The following NXPH1 variants were observed in gnomAD, a reference collection of about 807,000 sequenced individuals.
The protein encoded by NXPH1 is neurexophilin 1.
Under a neutral mutation model 23.7 loss-of-function variants are expected in NXPH1, and 5 were observed. The ratio of observed to expected loss-of-function variants is 0.21; its 90% CI spans 0.11 to 0.44. NXPH1 has a LOEUF of 0.44. NXPH1 is among the 20% of genes least tolerant of loss of function. The pLI, the probability that NXPH1 is intolerant of heterozygous loss-of-function variation, is 0.99. For missense variants in NXPH1, 324 were observed against 321.6 expected, an observed-to-expected ratio of 1.01 and a Z score of -0.06; for synonymous variants, 144 against 122.2, an observed-to-expected ratio of 1.18 and a Z score of -1.18.
At chr7:8,471,365 T>C (rs1289293371) in intron 2 of NXPH1, among the ~76,000 whole-genome samples, 1 of 152,184 alleles carries the variant, frequency 6.6e-6, no homozygotes, top group African/African-American at 2.4e-5. Flanking sequence ...ACGAATATCA[T>C]TAACATAGAA....
At chr7:8,597,628 C>T (rs1819254543) in intron 2 of NXPH1, among the ~76,000 whole-genome samples, 2 of 144,920 alleles carry the variant, frequency 1.4e-5, no homozygotes, top group South Asian at 4.3e-4. Flanking sequence ...TCAGAGTTGT[C>T]TAAAGAATTA....
At chr7:8,578,896 G>A (rs78688757) in intron 2 of NXPH1, among the ~76,000 whole-genome samples, 1,628 of 152,306 alleles carry the variant, frequency 0.011, 31 homozygotes, top group African/African-American at 0.035. Context: ...TAAAGATGAG[G>A]CAGAATATTC....
chr7:8,567,324 G>A (rs928802643), intron 2 of NXPH1, among the ~76,000 whole-genome samples: 6 of 151,836 alleles, frequency 4.0e-5, no homozygotes, highest in South Asian at 2.1e-4. Flanking sequence ...TCATGTTTGC[G>A]CCTCTGGTCA....
rs1297332703 is a variant in NXPH1 at position 8,580,516 on chromosome 7, A to G, written c.54+144749A>G. On this transcript the variant is annotated intron_variant, in intron 2 of 2. Transcript: ENST00000405863. Reference sequence around the variant, plus strand: ...GAATGGGAGAGAGGCTGATCCTTGGAAAATTGCAAAGCTGCTGAAGAGGCA... The same window carrying G: ...GAATGGGAGAGAGGCTGATCCTTGGGAAATTGCAAAGCTGCTGAAGAGGCA... Among the ~76,000 whole-genome samples the G allele has an allele frequency of 2.0e-5, 3 of 152,150 alleles. No homozygotes were observed. In the East Asian group the frequency reaches 5.8e-4, roughly 29 times the overall value.
intron 2 of NXPH1, among the ~76,000 whole-genome samples, chr7:8,551,046 T>TAG (rs1402615709): frequency 2.6e-5 from 4 of 151,538 alleles, no homozygotes; most frequent in Non-Finnish European, 4.4e-5. Flanking sequence ...ACTTCTAATA[T>TAG]GTATTAGAAA....
At chr7:8,601,575 G>C (rs1031469808) in intron 2 of NXPH1, among the ~76,000 whole-genome samples, 12 of 152,106 alleles carry the variant, frequency 7.9e-5, no homozygotes, top group Non-Finnish European at 1.8e-4. Context: ...TAGTGATGTT[G>C]ACCCTTGTCC....
At chr7:8,534,120 A>G (rs1012851966) in intron 2 of NXPH1, among the ~76,000 whole-genome samples, 12 of 152,158 alleles carry the variant, frequency 7.9e-5, no homozygotes, top group African/African-American at 2.7e-4. Flanking sequence ...GTGTTATTCT[A>G]TAGATCAAGC....
At chr7:8,503,847 G>T (rs1443437197) in intron 2 of NXPH1, among the ~76,000 whole-genome samples, 1 of 151,872 alleles carries the variant, frequency 6.6e-6, no homozygotes, top group Non-Finnish European at 1.5e-5. Flanking sequence ...TAGCTGCCCT[G>T]GTCACATCAC....
At chr7:8,576,242 A>G (rs1004481469) in intron 2 of NXPH1, among the ~76,000 whole-genome samples, 3 of 152,188 alleles carry the variant, frequency 2.0e-5, no homozygotes, top group Admixed American at 6.5e-5. Context: ...GCAAACATCA[A>G]CTATGCCTTG....
At chr7:8,490,703 A>G (rs975101813) in intron 2 of NXPH1, among the ~76,000 whole-genome samples, 1 of 152,028 alleles carries the variant, frequency 6.6e-6, no homozygotes, top group Admixed American at 6.6e-5. Context: ...ACTGTTTTCT[A>G]TGTAAGATGT....
At position 8,519,227 on chromosome 7, in the gene NXPH1, TA is replaced by T. The variant is rs1239518990; in HGVS notation, c.54+83466del. Among the ~76,000 whole-genome samples the T allele has an allele frequency of 2.0e-5, 3 of 152,254 alleles. No homozygotes were observed. The East Asian group carries it at 5.8e-4, about 29-fold the overall frequency. On this transcript the variant is annotated intron_variant, in intron 2 of 2. Transcript: ENST00000405863. ...GATTTCCTTAAATAAATGAATGGTGTAAAAAATTATAAAAAAGGTATTACAT... is the reference window on the plus strand; with the variant it reads ...GATTTCCTTAAATAAATGAATGGTGTAAAAATTATAAAAAAGGTATTACAT...
chr7:8,493,284 T>A (rs1281476730), intron 2 of NXPH1, among the ~76,000 whole-genome samples: 1 of 152,080 alleles, frequency 6.6e-6, no homozygotes, highest in Non-Finnish European at 1.5e-5. Context: ...AAGTATGTTT[T>A]AAATTACTTG....
chr7:8,665,612 A>G (rs1820747682), intron 2 of NXPH1, among the ~76,000 whole-genome samples: 3 of 152,012 alleles, frequency 2.0e-5, no homozygotes, highest in Admixed American at 1.3e-4. Context: ...TCTGGGCTGT[A>G]TGAACATTTT....
chr7:8,751,662 G>T lies in NXPH1; in HGVS notation c.709G>T (p.Val237Leu), dbSNP rs1211363973. 2 of 1,613,080 alleles carry T rather than the reference G, an allele frequency of 1.2e-6. No individual in the cohort carries two copies. Among genetic ancestry groups the T allele is most frequent in the African/African-American group, 1.3e-5 (1 of 74,886 alleles). ...CTGGCTCTGCTCCAAGCCCTTTAAGGTGATCTGTATTTACATTTCCTTTTA... is the reference window on the plus strand; with the variant it reads ...CTGGCTCTGCTCCAAGCCCTTTAAGTTGATCTGTATTTACATTTCCTTTTA... Reference protein sequence around the residue: ...VSWLCSKPFKVICIYISFYST... With the variant: ...VSWLCSKPFKLICIYISFYST... Residue 237 changes from valine to leucine, a missense_variant, in exon 3 of 3, where the codon GTG becomes TTG. Transcript: ENST00000405863. This position sits in a 1 kb window ranked among gnomAD's most constrained non-coding sequence, Gnocchi z 4.5.
At chr7:8,637,593 A>G (rs1364450451) in intron 2 of NXPH1, among the ~76,000 whole-genome samples, 3 of 152,110 alleles carry the variant, frequency 2.0e-5, no homozygotes, top group Non-Finnish European at 4.4e-5. Context: ...CTGCTTTTAC[A>G]TGATCTAATT....
At chr7:8,740,230 A>G (rs545263449) in intron 2 of NXPH1, among the ~76,000 whole-genome samples, 3 of 152,190 alleles carry the variant, frequency 2.0e-5, no homozygotes, top group Non-Finnish European at 4.4e-5. Flanking sequence ...TTTATGCCTT[A>G]TATTTGTAGC....
intron 2 of NXPH1, among the ~76,000 whole-genome samples, chr7:8,687,638 G>A (rs536622157): frequency 6.6e-6 from 1 of 152,230 alleles, no homozygotes; most frequent in South Asian, 2.1e-4. Flanking sequence ...GTGATTTGGG[G>A]CAAGATAACC....
rs530985782 is a variant in NXPH1 at position 8,545,580 on chromosome 7, T to G, written c.54+109813T>G. ...CAAAATACTAATCTGCAAATAACTT[T>G]CTTTTTCTATGTTTGAAACAAAATA... On this transcript the variant is annotated intron_variant, in intron 2 of 2. Transcript: ENST00000405863. 2.0e-5 allele frequency among the ~76,000 whole-genome samples: 3 copies of G among 151,578 alleles called. No individual in the cohort carries two copies. In the East Asian group the frequency reaches 5.9e-4, roughly 30 times the overall value.
chr7:8,602,755 G>A (rs1214619180), intron 2 of NXPH1, among the ~76,000 whole-genome samples: 1 of 152,102 alleles, frequency 6.6e-6, no homozygotes, highest in Non-Finnish European at 1.5e-5. Context: ...TAAAGGCAGG[G>A]TCCACCTTCA....
Sources: allele counts gnomAD v4.1 joint callset (sites outside exome capture counted in the v4.1 genomes callset), GRCh38; gene constraint gnomAD v4.1.1; non-coding constraint Gnocchi (gnomAD v3.1); transcripts MANE v1.5; gene names NCBI Gene and HGNC (gene_info 2026-07-23, HGNC 2026-07-21).